MAP3K20: variants seen among roughly 807,000 people sequenced by gnomAD.
MAP3K20 encodes the protein HCCS-4.
In MAP3K20, 40 loss-of-function variants were observed where a neutral mutation model predicts 85.7. The ratio of observed to expected loss-of-function variants is 0.47; its 90% CI spans 0.36 to 0.61. The LOEUF is 0.61. Ranked by LOEUF, MAP3K20 falls within the 20% of genes least tolerant of loss-of-function variation. The pLI is 0.00. For missense variants in MAP3K20, 817 were observed against 961.7 expected (o/e 0.85, Z 1.99); for synonymous variants, 325 against 327.7 (o/e 0.99, Z 0.09).
chr2:173,236,719 A>G (rs892312177), intron 14 of MAP3K20, among the ~76,000 whole-genome samples: 2 of 152,158 alleles, frequency 1.3e-5, no homozygotes, highest in African/African-American at 4.8e-5. Flanking sequence ...TTTATATGAG[A>G]GGGAAAGATA....
intron 14 of MAP3K20, among the ~76,000 whole-genome samples, chr2:173,235,677 G>C (rs1684631860): frequency 6.6e-6 from 1 of 152,198 alleles, no homozygotes; most frequent in African/African-American, 2.4e-5. Flanking sequence ...ACAACATCGT[G>C]AATGTGCTAA....
rs999474532 is a variant in MAP3K20 at position 173,075,884 on chromosome 2, C to T, written c.-153C>T. The T allele has an allele frequency of 1.0e-5, 10 of 985,210 alleles. No individual in the cohort carries two copies. In the East Asian group the frequency reaches 8.0e-4, roughly 78 times the overall value. The allele number at this position is 985,210 out of a possible 1,614,324, so 61.0% of individuals were successfully genotyped here. A position where few individuals can be genotyped will look rare whatever the true frequency, so the allele number is the denominator to read the frequency against. On this transcript the variant is annotated 5_prime_UTR_variant, in exon 1 of 20. Transcript: ENST00000375213. ...TGCAGAGAGGCGGAATGTTCAACTC[C>T]TAACTGCAGCGGAAACGTGGGAGCC...
At chr2:173,082,430 C>T (rs982077549) in intron 1 of MAP3K20, among the ~76,000 whole-genome samples, 8 of 152,158 alleles carry the variant, frequency 5.3e-5, no homozygotes, top group African/African-American at 1.7e-4. Context: ...TTGCATTCAC[C>T]CTTCTCAGGG....
chr2:173,079,806 A>G (rs1573993901), intron 1 of MAP3K20, among the ~76,000 whole-genome samples: 1 of 152,176 alleles, frequency 6.6e-6, no homozygotes, highest in South Asian at 2.1e-4. Context: ...GCAGTAATGT[A>G]TATGGAGCTG....
intron 16 of MAP3K20, among the ~76,000 whole-genome samples, chr2:173,256,991 CA>C (rs1375318761): frequency 6.6e-6 from 1 of 151,862 alleles, no homozygotes; most frequent in African/African-American, 2.4e-5. Context: ...CCTAGCTCTA[CA>C]AAAAATTAAA....
intron 2 of MAP3K20, among the ~76,000 whole-genome samples, chr2:173,110,542 C>A (rs1472683971): frequency 4.0e-5 from 6 of 151,750 alleles, no homozygotes; most frequent in African/African-American, 1.5e-4. Context: ...ATACACTGCA[C>A]CATATTTGTA....
At chr2:173,259,187 T>G (rs1685231175) in intron 17 of MAP3K20, among the ~76,000 whole-genome samples, 1 of 152,156 alleles carries the variant, frequency 6.6e-6, no homozygotes, top group Non-Finnish European at 1.5e-5. Context: ...GAGAATGACT[T>G]TCTTGGTTGA....
chr2:173,085,143 C>T (rs905357039), intron 1 of MAP3K20, among the ~76,000 whole-genome samples: 6 of 152,016 alleles, frequency 3.9e-5, no homozygotes, highest in African/African-American at 9.7e-5. Flanking sequence ...TTAAAGTTAC[C>T]GAGAGGTGGA....
At chr2:173,096,442 C>A (rs1031678511) in intron 2 of MAP3K20, among the ~76,000 whole-genome samples, 1 of 151,554 alleles carries the variant, frequency 6.6e-6, no homozygotes, top group Admixed American at 6.6e-5. Context: ...CGAGTTCAAG[C>A]GATTCTCCTG....
intron 2 of MAP3K20, among the ~76,000 whole-genome samples, chr2:173,142,732 G>A (rs1356596679): frequency 6.6e-6 from 1 of 151,956 alleles, no homozygotes; most frequent in Admixed American, 6.6e-5. Context: ...AGGAAAAACA[G>A]GGGAACAAAA....
intron 2 of MAP3K20, among the ~76,000 whole-genome samples, chr2:173,094,337 A>G (rs1053932237): frequency 7.2e-5 from 11 of 152,194 alleles, no homozygotes; most frequent in African/African-American, 1.4e-4. Flanking sequence ...GATGCCATGT[A>G]CCTTTATCCC....
intron 2 of MAP3K20, among the ~76,000 whole-genome samples, chr2:173,141,061 T>A (rs1468919111): frequency 6.6e-6 from 1 of 152,196 alleles, no homozygotes; most frequent in Non-Finnish European, 1.5e-5. Flanking sequence ...AATGTGTAAG[T>A]TGTAAATCAC....
intron 9 of MAP3K20, among the ~76,000 whole-genome samples, chr2:173,206,832 C>T (rs140723726): frequency 4.2e-4 from 64 of 152,170 alleles, no homozygotes; most frequent in African/African-American, 1.4e-3. Flanking sequence ...CAGTAAATTT[C>T]CTGAGTGGTA....
At chr2:173,264,674 G>C (rs553420951) in intron 19 of MAP3K20, among the ~76,000 whole-genome samples, 20 of 152,140 alleles carry the variant, frequency 1.3e-4, no homozygotes, top group African/African-American at 4.1e-4. Context: ...ACATGGAGGG[G>C]GATGGAGACT....
chr2:173,128,755 C>CA (rs1002290091), intron 2 of MAP3K20, among the ~76,000 whole-genome samples: 51 of 151,066 alleles, frequency 3.4e-4, no homozygotes, highest in African/African-American at 1.2e-3. Context: ...CCTGAAAGTG[C>CA]AAAATAATCA....
chr2:173,198,233 A>G lies in MAP3K20; in HGVS notation c.669+121A>G, dbSNP rs1359621173. On this transcript the variant is annotated intron_variant, in intron 8 of 19. Coordinates refer to ENST00000375213, the MANE Select transcript of MAP3K20 (RefSeq NM_016653.3). This position sits in a 1 kb window ranked among gnomAD's most constrained non-coding sequence, Gnocchi z 5.8. ...TCACGCTTATGGAAAGATTAGCAGT[A>G]GGAGCTAACACAAAGGGTCAAAGTG... 1.2e-6 allele frequency: 1 copy of G among 853,428 alleles called. No individual in the cohort carries two copies. The allele number at this position is 853,428 out of a possible 1,614,324, so 52.9% of individuals were successfully genotyped here.
intron 16 of MAP3K20, among the ~76,000 whole-genome samples, chr2:173,245,328 C>G (rs757641366): frequency 6.6e-6 from 1 of 152,068 alleles, no homozygotes; most frequent in Non-Finnish European, 1.5e-5. Context: ...TCTGCAGAAC[C>G]CTGGAAGGTG....
intron 16 of MAP3K20, among the ~76,000 whole-genome samples, chr2:173,242,699 C>CTT (rs68173816): frequency 0.035 from 2,823 of 80,916 alleles, 108 homozygotes; most frequent in Admixed American, 0.084. Context: ...AGTAATCTTT[C>CTT]TTTTTTTTTT....
chr2:173,185,570 C>T (rs770106215), intron 4 of MAP3K20, among the ~76,000 whole-genome samples: 3 of 152,140 alleles, frequency 2.0e-5, no homozygotes, highest in Non-Finnish European at 2.9e-5. Flanking sequence ...CAGCTATGTA[C>T]CTTTCAGTTT....
Sources: allele counts gnomAD v4.1 joint callset (sites outside exome capture counted in the v4.1 genomes callset), GRCh38; gene constraint gnomAD v4.1.1; non-coding constraint Gnocchi (gnomAD v3.1); transcripts MANE v1.5; gene names NCBI Gene and HGNC (gene_info 2026-07-23, HGNC 2026-07-21).